PDCD6IP: variants seen among roughly 807,000 people sequenced by gnomAD.
The protein encoded by PDCD6IP is programmed cell death 6 interacting protein.
In PDCD6IP, 43 loss-of-function variants were observed where a neutral mutation model predicts 103.7. The observed-to-expected ratio is 0.41, with a 90% CI of 0.32 to 0.53. PDCD6IP has a LOEUF of 0.53. Among genes scored for constraint, PDCD6IP ranks in the 20% least tolerant of loss-of-function variants. The pLI, the probability that PDCD6IP is intolerant of heterozygous loss-of-function variation, is 0.16. For missense variants in PDCD6IP, 871 were observed against 1,036.7 expected, an observed-to-expected ratio of 0.84 and a Z score of 2.20; for synonymous variants, 354 against 378.7, an observed-to-expected ratio of 0.93 and a Z score of 0.76.
intron 12 of PDCD6IP, among the ~76,000 whole-genome samples, chr3:33,851,671 C>G (rs945289095): frequency 6.6e-6 from 1 of 151,748 alleles, no homozygotes; most frequent in Non-Finnish European, 1.5e-5. Flanking sequence ...TGGGGTCTCA[C>G]TTTGTTGCCT....
intron 3 of PDCD6IP, among the ~76,000 whole-genome samples, chr3:33,814,699 ATATG>A (rs1306519851): frequency 4.1e-5 from 6 of 146,320 alleles, no homozygotes; most frequent in Non-Finnish European, 7.5e-5. Context: ...TGTATTATAT[ATATG>A]TATGTATATA....
Position 33,831,232 on chromosome 3 carries a change from A to AACAC in PDCD6IP, c.834+2281_834+2284dup, listed in dbSNP as rs71805290. ...AATACAGTTTTCAAAAAGATACAGA[A>AACAC]ACACACACACACACACACACAGATA... On this transcript the variant is annotated intron_variant, in intron 7 of 17. Coordinates refer to ENST00000307296, the MANE Select transcript of PDCD6IP (RefSeq NM_013374.6). Among the ~76,000 whole-genome samples the AACAC allele has an allele frequency of 1.6e-3, 234 of 150,198 alleles. 1 individual carries two copies. Among genetic ancestry groups the AACAC allele is most frequent in the Middle Eastern group, 0.014 (4 of 288 alleles).
Position 33,798,651 on chromosome 3 carries a change from GC to G in PDCD6IP, c.-75del. ...AGCCAGTCAGTCCGCCAGTCCGCCA[GC>G]CCAGTACCTCTCTCTCCTCGGCCCT... On this transcript the variant is annotated 5_prime_UTR_variant, in exon 1 of 18. Coordinates refer to ENST00000307296, the MANE Select transcript of PDCD6IP (RefSeq NM_013374.6). 7.5e-7 allele frequency: 1 copy of G among 1,339,082 alleles called. No individual in the cohort carries two copies. The allele number at this position is 1,339,082 out of a possible 1,614,324, so 83.0% of individuals were successfully genotyped here. A position where few individuals can be genotyped will look rare whatever the true frequency, so the allele number is the denominator to read the frequency against.
chr3:33,856,308 G>A (rs1278143782), intron 15 of PDCD6IP, among the ~76,000 whole-genome samples: 3 of 152,118 alleles, frequency 2.0e-5, no homozygotes, highest in Non-Finnish European at 4.4e-5. Flanking sequence ...TAAGAAAACA[G>A]GAAGTGATAA....
At position 33,867,188 on chromosome 3, in the gene PDCD6IP, G is replaced by A. The variant is rs184725696; in HGVS notation, c.*663G>A. 1.3e-3 allele frequency: 191 copies of A among 152,110 alleles called. 4 individuals carry two copies. Among genetic ancestry groups the A allele is most frequent in the Admixed American group, 0.012 (188 of 15,264 alleles). 9.4% of individuals were successfully genotyped at this position (152,110 alleles called of 1,614,324 possible). A position where few individuals can be genotyped will look rare whatever the true frequency, so the allele number is the denominator to read the frequency against. ...AGAATATTATCATACTTTATCTTTC[G>A]TATGCTGATTAGTAAACGATTTTTG... On this transcript the variant is annotated 3_prime_UTR_variant, in exon 18 of 18. Coordinates refer to ENST00000307296, the MANE Select transcript of PDCD6IP (RefSeq NM_013374.6).
intron 5 of PDCD6IP, 25 bp downstream of exon 5, chr3:33,825,365 G>A (rs907002077): frequency 6.4e-7 from 1 of 1,569,450 alleles, no homozygotes; most frequent in East Asian, 2.3e-5. Context: ...TCTTTTTGTT[G>A]CATGTGAAAA....
chr3:33,852,549 G>A lies in PDCD6IP; in HGVS notation c.1703G>A (p.Gly568Asp), dbSNP rs756707240. Residue 568 changes from glycine (G) to aspartate (D), a missense_variant, in exon 13 of 18, where the codon GGT (glycine) becomes GAT (aspartate). Gly to Asp is a moderately conservative substitution (Grantham distance 94). This residue lies in a region of PDCD6IP where 266 missense variants were observed against 390.5 expected (regional missense o/e 0.68). Coordinates refer to ENST00000307296, the MANE Select transcript of PDCD6IP (RefSeq NM_013374.6). ...GATGAAGTAAAGAAGGAAAGAGAGG[G>A]TCTGGAGAATGACTTGAAATCTGTG... Reference protein sequence around the residue: ...NLDEVKKEREGLENDLKSVNF... With the variant: ...NLDEVKKEREDLENDLKSVNF... 23 of 1,570,196 alleles carry A rather than the reference G, an allele frequency of 1.5e-5. No homozygotes were observed. Among genetic ancestry groups the A allele is most frequent in the Non-Finnish European group, 2.0e-5 (23 of 1,164,598 alleles).
chr3:33,866,219 T>C, intron 17 of PDCD6IP, 132 bp from the exon 18 acceptor site: 2 of 526,320 alleles, frequency 3.8e-6, no homozygotes, highest in South Asian at 5.2e-5. Flanking sequence ...AACAGTTTTT[T>C]TCACTCCACT....
chr3:33,825,169 T>G lies in PDCD6IP; in HGVS notation c.463-18T>G, dbSNP rs1172478601. 6.3e-7 allele frequency: 1 copy of G among 1,599,050 alleles called. No homozygotes were observed. The highest frequency in any genetic ancestry group is 8.5e-7 in the Non-Finnish European group (1 of 1,175,666). On this transcript the variant is annotated intron_variant, in intron 4 of 17. Transcript: ENST00000307296. ...TCTTGCTGAGTTCCTATAAAGAAAT[T>G]CTTTTTCCCCCCTTTAGTTTGCTAG... is the stretch of plus-strand genomic sequence containing the variant.
intron 1 of PDCD6IP, among the ~76,000 whole-genome samples, chr3:33,807,936 C>T (rs1276042918): frequency 3.3e-5 from 5 of 152,222 alleles, no homozygotes; most frequent in Admixed American, 6.5e-5. Flanking sequence ...CACCTTTAGG[C>T]GTTGTTGCCT....
intron 8 of PDCD6IP, among the ~76,000 whole-genome samples, 193 bp downstream of exon 8, chr3:33,836,459 G>A (rs1433331841): frequency 2.0e-5 from 3 of 152,200 alleles, no homozygotes; most frequent in Non-Finnish European, 1.5e-5. Flanking sequence ...TAAAGCATAT[G>A]TAAAGTATAC....
At chr3:33,800,119 C>CAAAAAA (rs1173163869) in intron 1 of PDCD6IP, among the ~76,000 whole-genome samples, 2 of 50,886 alleles carry the variant, frequency 3.9e-5, no homozygotes, top group African/African-American at 7.4e-5. Context: ...GACTCCATCT[C>CAAAAAA]AAAAAAAAAA....
intron 3 of PDCD6IP, among the ~76,000 whole-genome samples, chr3:33,815,557 A>G (rs1696828930): frequency 6.6e-6 from 1 of 152,204 alleles, no homozygotes; most frequent in Non-Finnish European, 1.5e-5. Context: ...AGAGAAACAG[A>G]CCAGTGAGGA....
At chr3:33,815,465 A>G (rs1468721104) in intron 3 of PDCD6IP, among the ~76,000 whole-genome samples, 1 of 152,190 alleles carries the variant, frequency 6.6e-6, no homozygotes, top group African/African-American at 2.4e-5. Context: ...GTTTAGAAAG[A>G]TTACGTGATT....
rs765624187 is a variant in PDCD6IP, at chr3:33,841,935, A to T, written c.1220A>T (p.Asp407Val). 2.5e-6 allele frequency: 4 copies of T among 1,573,098 alleles called. No individual in the cohort carries two copies. Among genetic ancestry groups the T allele is most frequent in the South Asian group, 1.1e-5 (1 of 88,018 alleles). ...ASLNLPAAIE[D>V]VSGDTVPQSI... Reference sequence around the variant, plus strand: ...CTTAATCTTCCAGCAGCAATTGAAGATGTGTCTGGAGACACTGTACCTCAG... The same window carrying T: ...CTTAATCTTCCAGCAGCAATTGAAGTTGTGTCTGGAGACACTGTACCTCAG... The change falls in exon 10 of 18, where the codon GAT (aspartate) becomes GTT (valine). Residue 407 changes from aspartate (D) to valine (V), a missense_variant. Coordinates refer to ENST00000307296, the MANE Select transcript of PDCD6IP (RefSeq NM_013374.6).
At position 33,828,906 on chromosome 3, in the gene PDCD6IP, G is replaced by A. The variant is rs1697186967; in HGVS notation, c.771G>A (p.Glu257=). 1.2e-6 allele frequency: 2 copies of A among 1,611,772 alleles called. No homozygotes were observed. Among genetic ancestry groups the A allele is most frequent in the South Asian group, 2.2e-5 (2 of 90,768 alleles). ...ACTGTATCATGCAGGCCAATGCTGAGTACCATCAGTCTATCCTGGCAAAAC... is the reference window on the plus strand; with the variant it reads ...ACTGTATCATGCAGGCCAATGCTGAATACCATCAGTCTATCCTGGCAAAAC... ...AKHCIMQANA[E]YHQSILAKQQ... Residue 257 remains glutamate, a synonymous_variant, in exon 7 of 18, where the codon GAG becomes GAA. Coordinates refer to ENST00000307296, the MANE Select transcript of PDCD6IP (RefSeq NM_013374.6).
intron 1 of PDCD6IP, among the ~76,000 whole-genome samples, chr3:33,808,688 G>A (rs1027641331): frequency 1.3e-5 from 2 of 152,096 alleles, no homozygotes; most frequent in African/African-American, 4.8e-5. Flanking sequence ...CTCTACTTCT[G>A]CTCGTGCACA....
intron 1 of PDCD6IP, among the ~76,000 whole-genome samples, chr3:33,804,496 G>T (rs2125541313): frequency 6.6e-6 from 1 of 152,364 alleles, no homozygotes; most frequent in East Asian, 1.9e-4. Flanking sequence ...CTTGGTCCCT[G>T]GTCTCAAGGA....
In PDCD6IP at chr3:33,806,295, A is replaced by G. The variant is rs190397986; in HGVS notation, c.210-5777A>G. Among the ~76,000 whole-genome samples, 101 of 152,256 alleles carry G rather than the reference A, an allele frequency of 6.6e-4. 1 individual carries two copies. The Middle Eastern group carries it at 0.014, about 21-fold the overall frequency. ...TGTGTGTCCAGGAACTATTTTAAGCACTTCATATACAGTACCATTTATTCC... is the reference window on the plus strand; with the variant it reads ...TGTGTGTCCAGGAACTATTTTAAGCGCTTCATATACAGTACCATTTATTCC... On this transcript the variant is annotated intron_variant, in intron 1 of 17. Coordinates refer to ENST00000307296, the MANE Select transcript of PDCD6IP (RefSeq NM_013374.6).
Sources: allele counts gnomAD v4.1 joint callset (sites outside exome capture counted in the v4.1 genomes callset), GRCh38; gene constraint gnomAD v4.1.1; regional missense constraint gnomAD v4.1.1; transcripts MANE v1.5; gene names NCBI Gene and HGNC (gene_info 2026-07-23, HGNC 2026-07-21).